TAS2R41: variants seen among roughly 807,000 people sequenced by gnomAD.
The protein encoded by TAS2R41 is taste 2 receptor member 41, also known as taste receptor type 2 member 41.
TAS2R41 carries 33 observed loss-of-function variants against 25.1 expected under a neutral mutation model. The ratio of observed to expected loss-of-function variants is 1.31; its 90% CI spans 1.00 to 1.76. TAS2R41 has a LOEUF of 1.76. Among genes scored for constraint, TAS2R41 ranks in the 40% most tolerant of loss-of-function variants. TAS2R41 has a pLI of 0.00. For synonymous variants in TAS2R41, 151 were observed against 151.6 expected, an observed-to-expected ratio of 1.00 and a Z score of 0.03; for missense variants, 319 against 359.4, an observed-to-expected ratio of 0.89 and a Z score of 0.91.
At position 143,478,069 on chromosome 7, in the gene TAS2R41, A is replaced by G; in HGVS notation, c.197A>G (p.Asn66Ser). ...FCLQLVGTVH[N>S]FYYSAQKVEY... ...CTGCAGTTGGTTGGGACGGTGCACA[A>G]CTTCTACTACTCTGCCCAGAAGGTC... The change falls in exon 1 of 1, where the codon AAC becomes AGC. Residue 66 changes from asparagine (N) to serine (S), a missense_variant. Asn to Ser is a conservative substitution (Grantham distance 46). Transcript: ENST00000408916. The G allele has an allele frequency of 6.2e-7, 1 of 1,613,884 alleles. No homozygotes were observed. The highest frequency in any genetic ancestry group is 8.5e-7 in the Non-Finnish European group (1 of 1,179,948).
At position 143,478,310 on chromosome 7, in the gene TAS2R41, G is replaced by A. The variant is rs778808879; in HGVS notation, c.438G>A (p.Leu146=). 42 of 1,613,870 alleles carry A rather than the reference G, an allele frequency of 2.6e-5. No individual in the cohort carries two copies. Among genetic ancestry groups the A allele is most frequent in the Non-Finnish European group, 3.3e-5 (39 of 1,180,014 alleles). Residue 146 remains leucine, a synonymous_variant, in exon 1 of 1, where the codon CTG becomes CTA. Coordinates refer to ENST00000408916, the MANE Select transcript of TAS2R41 (RefSeq NM_176883.2). ...GSVLISFIIT[L]LFFWVNYPVY... The stretch of plus-strand genomic sequence containing the variant: ...TCCTGATCTCCTTCATCATAACCCT[G>A]CTGTTTTTTTGGGTGAACTACCCTG...
At position 143,478,354 on chromosome 7, in the gene TAS2R41, T is replaced by C; in HGVS notation, c.482T>C (p.Ile161Thr). 6.2e-7 allele frequency: 1 copy of C among 1,614,040 alleles called. No homozygotes were observed. Among genetic ancestry groups the C allele is most frequent in the Non-Finnish European group, 8.5e-7 (1 of 1,179,994 alleles). ...TACCCTGTATATCAAGAATTTTTAA[T>C]TAGAAAATTTTCTGGGAACATGACC... ...VNYPVYQEFLIRKFSGNMTYK... is the reference protein window; with the variant it reads ...VNYPVYQEFLTRKFSGNMTYK... The change falls in exon 1 of 1, where the codon ATT becomes ACT. Residue 161 changes from isoleucine to threonine, a missense_variant. By Grantham distance (89) the Ile-to-Thr change is moderately conservative. Coordinates refer to ENST00000408916, the MANE Select transcript of TAS2R41 (RefSeq NM_176883.2).
chr7:143,478,335 G>T lies in TAS2R41; in HGVS notation c.463G>T (p.Val155Leu), dbSNP rs763138122. 1.2e-6 allele frequency: 2 copies of T among 1,614,016 alleles called. No individual in the cohort carries two copies. Among genetic ancestry groups the T allele is most frequent in the Admixed American group, 1.7e-5 (1 of 60,000 alleles). Residue 155 changes from valine (V) to leucine (L), a missense_variant, in exon 1 of 1, where the codon GTA becomes TTA. Coordinates refer to ENST00000408916, the MANE Select transcript of TAS2R41 (RefSeq NM_176883.2). ...GCTGTTTTTTTGGGTGAACTACCCT[G>T]TATATCAAGAATTTTTAATTAGAAA... ...TLLFFWVNYP[V>L]YQEFLIRKFS...
chr7:143,478,520 C>T lies in TAS2R41; in HGVS notation c.648C>T (p.His216=). 1 of 1,614,112 alleles carries T rather than the reference C, an allele frequency of 6.2e-7. No homozygotes were observed. The highest frequency in any genetic ancestry group is 1.1e-5 in the South Asian group (1 of 91,080). Residue 216 remains histidine, a synonymous_variant, in exon 1 of 1, where the codon CAC becomes CAT. Coordinates refer to ENST00000408916, the MANE Select transcript of TAS2R41 (RefSeq NM_176883.2). The part of the protein sequence containing the change: ...SLRRHTQRMQ[H]NGHSLQDPST... ...GGAGGCATACTCAGAGAATGCAGCA[C>T]AACGGGCACAGCCTGCAGGACCCCA...
In TAS2R41 at chr7:143,478,616, G is replaced by A. The variant is rs1807080523; in HGVS notation, c.744G>A (p.Leu248=). 1 of 1,613,960 alleles carries A rather than the reference G, an allele frequency of 6.2e-7. No individual in the cohort carries two copies. Among genetic ancestry groups the A allele is most frequent in the African/African-American group, 1.3e-5 (1 of 74,866 alleles). The change falls in exon 1 of 1, where the codon CTG becomes CTA. Residue 248 remains leucine (L), a synonymous_variant. Transcript: ENST00000408916. ...SFLILYALSF[L]SLIIDAAKFI... ...TCATTCTTTATGCTCTGTCCTTTCT[G>A]TCCCTGATCATTGATGCCGCAAAAT...
At position 143,478,379 on chromosome 7, in the gene TAS2R41, C is replaced by T; in HGVS notation, c.507C>T (p.Thr169=). The change falls in exon 1 of 1, where the codon ACC becomes ACT. Residue 169 remains threonine (T), a synonymous_variant. Coordinates refer to ENST00000408916, the MANE Select transcript of TAS2R41 (RefSeq NM_176883.2). ...FLIRKFSGNM[T]YKWNTRIETY... ...TTAGAAAATTTTCTGGGAACATGAC[C>T]TACAAGTGGAATACAAGGATAGAAA... is the stretch of plus-strand genomic sequence containing the variant. 2 of 1,614,084 alleles carry T rather than the reference C, an allele frequency of 1.2e-6. No homozygotes were observed. Among genetic ancestry groups the T allele is most frequent in the Middle Eastern group, 1.6e-4 (1 of 6,062 alleles).
In TAS2R41 at chr7:143,478,558, A is replaced by G. The variant is rs1469884732; in HGVS notation, c.686A>G (p.His229Arg). 5 of 1,614,104 alleles carry G rather than the reference A, an allele frequency of 3.1e-6. No homozygotes were observed. The highest frequency in any genetic ancestry group is 4.2e-6 in the Non-Finnish European group (5 of 1,180,014). The change falls in exon 1 of 1, where the codon CAC becomes CGC. Residue 229 changes from histidine (H) to arginine (R), a missense_variant. Transcript: ENST00000408916. ...CTGCAGGACCCCAGCACCCAGGCTC[A>G]CACCAGAGCTCTGAAGTCCCTCATC... Reference protein sequence around the residue: ...HSLQDPSTQAHTRALKSLISF... With the variant: ...HSLQDPSTQARTRALKSLISF...
chr7:143,477,896 C>T lies in TAS2R41; in HGVS notation c.24C>T (p.Phe8=). 1 of 1,614,124 alleles carries T rather than the reference C, an allele frequency of 6.2e-7. No individual in the cohort carries two copies. Among genetic ancestry groups the T allele is most frequent in the Non-Finnish European group, 8.5e-7 (1 of 1,180,022 alleles). Residue 8 remains phenylalanine, a synonymous_variant, in exon 1 of 1, where the codon TTC becomes TTT. Transcript: ENST00000408916. This position sits in a 1 kb window ranked among gnomAD's most constrained non-coding sequence, Gnocchi z 4.0. ...GAATGCAAGCAGCACTGACGGCCTT[C>T]TTCGTGTTGCTCTTTAGCCTGCTGA... MQAALTA[F]FVLLFSLLSL... is the part of the protein sequence containing the mutation.
rs368076964 is a variant in TAS2R41, at chr7:143,477,982, G to A, written c.110G>A (p.Arg37Gln). Residue 37 changes from arginine (R) to glutamine (Q), a missense_variant, in exon 1 of 1, where the codon CGA becomes CAA. By Grantham distance (43) the Arg-to-Gln change is conservative. Coordinates refer to ENST00000408916, the MANE Select transcript of TAS2R41 (RefSeq NM_176883.2). The surrounding 1 kb of genome is among the most constrained non-coding windows in gnomAD (Gnocchi z 4.0). Reference protein sequence around the residue: ...IVLVLGREWLRYGRLLPLDMI... With the variant: ...IVLVLGREWLQYGRLLPLDMI... ...CTGGTGCTGGGCAGGGAGTGGCTGC[G>A]ATATGGCAGGTTGCTGCCCTTGGAT... The A allele has an allele frequency of 1.4e-5, 23 of 1,614,000 alleles. No homozygotes were observed. The African/African-American group carries it at 1.5e-4, about 10-fold the overall frequency.
chr7:143,478,317 T>G lies in TAS2R41; in HGVS notation c.445T>G (p.Phe149Val), dbSNP rs1485582641. Reference sequence around the variant, plus strand: ...CTCCTTCATCATAACCCTGCTGTTTTTTTGGGTGAACTACCCTGTATATCA... The same window carrying G: ...CTCCTTCATCATAACCCTGCTGTTTGTTTGGGTGAACTACCCTGTATATCA... ...LISFIITLLF[F>V]WVNYPVYQEF... The change falls in exon 1 of 1, where the codon TTT (phenylalanine) becomes GTT (valine). Residue 149 changes from phenylalanine to valine, a missense_variant. Coordinates refer to ENST00000408916, the MANE Select transcript of TAS2R41 (RefSeq NM_176883.2). 3 of 1,614,006 alleles carry G rather than the reference T, an allele frequency of 1.9e-6. No individual in the cohort carries two copies. In the African/African-American group the frequency reaches 4.0e-5, roughly 22 times the overall value.
At position 143,478,393 on chromosome 7, in the gene TAS2R41, C is replaced by T. The variant is rs1807072500; in HGVS notation, c.521C>T (p.Thr174Ile). ...FSGNMTYKWN[T>I]RIETYYFPSL... The stretch of plus-strand genomic sequence containing the variant: ...GGGAACATGACCTACAAGTGGAATA[C>T]AAGGATAGAAACATACTATTTCCCA... Residue 174 changes from threonine (T) to isoleucine (I), a missense_variant, in exon 1 of 1, where the codon ACA (threonine) becomes ATA (isoleucine). Thr to Ile is a moderately conservative substitution (Grantham distance 89). Transcript: ENST00000408916. 1 of 1,614,076 alleles carries T rather than the reference C, an allele frequency of 6.2e-7. No individual in the cohort carries two copies. Among genetic ancestry groups the T allele is most frequent in the Non-Finnish European group, 8.5e-7 (1 of 1,180,006 alleles).
rs752527154 is a variant in TAS2R41 at position 143,477,952 on chromosome 7, T to C, written c.80T>C (p.Ile27Thr). Residue 27 changes from isoleucine to threonine, a missense_variant, in exon 1 of 1, where the codon ATT becomes ACT. Ile to Thr is a moderately conservative substitution (Grantham distance 89). Coordinates refer to ENST00000408916, the MANE Select transcript of TAS2R41 (RefSeq NM_176883.2). This position sits in a 1 kb window ranked among gnomAD's most constrained non-coding sequence, Gnocchi z 4.0. ...SLLGIAANGF[I>T]VLVLGREWLR... is the part of the protein sequence containing the mutation. Reference sequence around the variant, plus strand: ...CTGGGGATTGCAGCGAATGGCTTCATTGTGCTGGTGCTGGGCAGGGAGTGG... The same window carrying C: ...CTGGGGATTGCAGCGAATGGCTTCACTGTGCTGGTGCTGGGCAGGGAGTGG... 2 of 1,614,100 alleles carry C rather than the reference T, an allele frequency of 1.2e-6. No individual in the cohort carries two copies. The highest frequency in any genetic ancestry group is 1.7e-5 in the Admixed American group (1 of 60,018).
chr7:143,478,087 A>T lies in TAS2R41; in HGVS notation c.215A>T (p.Gln72Leu), dbSNP rs1205304610. 2.5e-6 allele frequency: 4 copies of T among 1,613,996 alleles called. No homozygotes were observed. In the African/African-American group the frequency reaches 5.3e-5, roughly 22 times the overall value. The change falls in exon 1 of 1, where the codon CAG (glutamine) becomes CTG (leucine). Residue 72 changes from glutamine to leucine, a missense_variant. By Grantham distance (113) the Gln-to-Leu change is moderately radical. Transcript: ENST00000408916. ...GTGCACAACTTCTACTACTCTGCCCAGAAGGTCGAGTACTCTGGGGGTCTC... is the reference window on the plus strand; with the variant it reads ...GTGCACAACTTCTACTACTCTGCCCTGAAGGTCGAGTACTCTGGGGGTCTC... ...GTVHNFYYSA[Q>L]KVEYSGGLGR...
Position 143,478,622 on chromosome 7 carries a change from G to A in TAS2R41, c.750G>A (p.Leu250=). The A allele has an allele frequency of 6.2e-7, 1 of 1,614,090 alleles. No individual in the cohort carries two copies. The highest frequency in any genetic ancestry group is 8.5e-7 in the Non-Finnish European group (1 of 1,180,010). The part of the protein sequence containing the change: ...LILYALSFLS[L]IIDAAKFISM... ...TTTATGCTCTGTCCTTTCTGTCCCT[G>A]ATCATTGATGCCGCAAAATTTATCT... Residue 250 remains leucine (L), a synonymous_variant, in exon 1 of 1, where the codon CTG becomes CTA. Coordinates refer to ENST00000408916, the MANE Select transcript of TAS2R41 (RefSeq NM_176883.2).
Position 143,477,909 on chromosome 7 carries a change from T to G in TAS2R41, c.37T>G (p.Phe13Val), listed in dbSNP as rs1461230444. The G allele has an allele frequency of 7.4e-6, 12 of 1,614,044 alleles. No homozygotes were observed. The highest frequency in any genetic ancestry group is 6.7e-5 in the Admixed American group (4 of 60,004). The change falls in exon 1 of 1, where the codon TTT becomes GTT. Residue 13 changes from phenylalanine (F) to valine (V), a missense_variant. Transcript: ENST00000408916. The surrounding 1 kb of genome is among the most constrained non-coding windows in gnomAD (Gnocchi z 4.0). Reference protein sequence around the residue: ...AALTAFFVLLFSLLSLLGIAA... With the variant: ...AALTAFFVLLVSLLSLLGIAA... ...ACTGACGGCCTTCTTCGTGTTGCTC[T>G]TTAGCCTGCTGAGTCTTCTGGGGAT... is the stretch of plus-strand genomic sequence containing the variant.
At position 143,478,396 on chromosome 7, in the gene TAS2R41, G is replaced by A; in HGVS notation, c.524G>A (p.Arg175Lys). Residue 175 changes from arginine to lysine, a missense_variant, in exon 1 of 1, where the codon AGG becomes AAG. Transcript: ENST00000408916. Reference protein sequence around the residue: ...SGNMTYKWNTRIETYYFPSLK... With the variant: ...SGNMTYKWNTKIETYYFPSLK... ...AACATGACCTACAAGTGGAATACAA[G>A]GATAGAAACATACTATTTCCCATCC... is the stretch of plus-strand genomic sequence containing the variant. The A allele has an allele frequency of 6.2e-7, 1 of 1,614,052 alleles. No individual in the cohort carries two copies. Among genetic ancestry groups the A allele is most frequent in the Non-Finnish European group, 8.5e-7 (1 of 1,180,012 alleles).
chr7:143,478,279 G>C lies in TAS2R41; in HGVS notation c.407G>C (p.Gly136Ala). ...FPGWVPWLLLGSVLISFIITL... is the reference protein window; with the variant it reads ...FPGWVPWLLLASVLISFIITL... ...GGGTGGGTGCCCTGGCTCCTGTTGGGCTCTGTCCTGATCTCCTTCATCATA... is the reference window on the plus strand; with the variant it reads ...GGGTGGGTGCCCTGGCTCCTGTTGGCCTCTGTCCTGATCTCCTTCATCATA... Residue 136 changes from glycine to alanine, a missense_variant, in exon 1 of 1, where the codon GGC (glycine) becomes GCC (alanine). Coordinates refer to ENST00000408916, the MANE Select transcript of TAS2R41 (RefSeq NM_176883.2). The C allele has an allele frequency of 6.2e-7, 1 of 1,613,960 alleles. No homozygotes were observed. Among genetic ancestry groups the C allele is most frequent in the Non-Finnish European group, 8.5e-7 (1 of 1,179,990 alleles).
Position 143,478,046 on chromosome 7 carries a change from G to A in TAS2R41, c.174G>A (p.Leu58=), listed in dbSNP as rs1586627345. 6.2e-7 allele frequency: 1 copy of A among 1,614,172 alleles called. No homozygotes were observed. The highest frequency in any genetic ancestry group is 2.2e-5 in the East Asian group (1 of 44,872). The change falls in exon 1 of 1, where the codon CTG becomes CTA. Residue 58 remains leucine, a synonymous_variant. Transcript: ENST00000408916. ...GCTTGGGTGCCTCCCGCTTCTGCCT[G>A]CAGTTGGTTGGGACGGTGCACAACT... ...LISLGASRFC[L]QLVGTVHNFY...
chr7:143,478,166 GTTT>G lies in TAS2R41; in HGVS notation c.296_298del (p.Phe99del), dbSNP rs760248543. 2.5e-6 allele frequency: 4 copies of G among 1,613,918 alleles called. No homozygotes were observed. Among genetic ancestry groups the G allele is most frequent in the Admixed American group, 3.3e-5 (2 of 59,992 alleles). On this transcript the variant is annotated inframe_deletion, in exon 1 of 1. Coordinates refer to ENST00000408916, the MANE Select transcript of TAS2R41 (RefSeq NM_176883.2). ...ACTTCCTGAACTCAGCCACCTTCTG[GTTT>G]TGCAGCTGGCTCAGTGTCCTGTTCT...
Sources: gnomAD v4.1 joint callset for allele counts on GRCh38, gnomAD v4.1.1 for gene constraint, Gnocchi (gnomAD v3.1) non-coding constraint, MANE v1.5 for transcripts, NCBI Gene and HGNC (gene_info 2026-07-23, HGNC 2026-07-21) for gene names.